The following FAM185A variants were observed in gnomAD, a reference collection of about 807,000 sequenced individuals.
FAM185A encodes family with sequence similarity 185 member A, also known as protein FAM185A.
In FAM185A, 21 loss-of-function variants were observed where a neutral mutation model predicts 45.7. The observed-to-expected ratio is 0.46, with a 90% CI of 0.33 to 0.66. FAM185A has a LOEUF of 0.66. FAM185A is among the 30% of genes least tolerant of loss of function. FAM185A has a pLI of 0.03. For missense variants in FAM185A, 305 were observed against 485.4 expected, an observed-to-expected ratio of 0.63 and a Z score of 3.49; for synonymous variants, 117 against 194.0, an observed-to-expected ratio of 0.60 and a Z score of 3.30.
chr7:102,826,944 A>G, the FAM185A span: 2 of 284,606 alleles, frequency 7.0e-6, no homozygotes, highest in East Asian at 1.6e-4. Flanking sequence ...TAAGAGCTCT[A>G]TCGTATTATT....
At chr7:102,835,649 G>A in the FAM185A span, among the ~76,000 whole-genome samples, 1 of 101,794 alleles carries the variant, frequency 9.8e-6, no homozygotes, top group East Asian at 3.4e-4. Context: ...TCGCTCTGTC[G>A]CCCAGGCTGG....
At chr7:102,807,498 A>C (rs1425255587) in intron 7 of FAM185A, among the ~76,000 whole-genome samples, 1 of 152,164 alleles carries the variant, frequency 6.6e-6, no homozygotes, top group East Asian at 1.9e-4. Flanking sequence ...TTTGGATGTC[A>C]GATCTTCAGA....
At chr7:102,821,962 T>TA in the FAM185A span, 1 of 1,445,328 alleles carries the variant, frequency 6.9e-7, no homozygotes, top group East Asian at 2.3e-5. Flanking sequence ...TGCTATGTAT[T>TA]ATGAACCTTA....
rs566778817 is a variant in FAM185A at position 102,806,404 on chromosome 7, C to G, written c.1067-1886C>G. Among the ~76,000 whole-genome samples the G allele has an allele frequency of 4.6e-5, 7 of 152,270 alleles. No homozygotes were observed. In the East Asian group the frequency reaches 7.7e-4, roughly 17 times the overall value. Reference sequence around the variant, plus strand: ...TTCAACATGTTGGCCAGTCTGGTCCCAAACTCCTGACCGCAGGTGACCTGC... The same window carrying G: ...TTCAACATGTTGGCCAGTCTGGTCCGAAACTCCTGACCGCAGGTGACCTGC... On this transcript the variant is annotated intron_variant, in intron 7 of 7. Transcript: ENST00000413034.
At chr7:102,801,123 C>T (rs1008482681) in intron 7 of FAM185A, among the ~76,000 whole-genome samples, 9 of 152,234 alleles carry the variant, frequency 5.9e-5, no homozygotes, top group East Asian at 5.8e-4. Context: ...TTGTATCCAG[C>T]GAAACTAGGC....
chr7:102,785,044 CAG>C (rs199749145), intron 6 of FAM185A, among the ~76,000 whole-genome samples: 24,762 of 151,908 alleles, frequency 0.16, 2,039 homozygotes, highest in Middle Eastern at 0.26. Context: ...CGATAACAGA[CAG>C]AGAGCTAAAT....
At chr7:102,778,846 T>C (rs1795233854) in intron 6 of FAM185A, among the ~76,000 whole-genome samples, 2 of 152,230 alleles carry the variant, frequency 1.3e-5, no homozygotes, top group Admixed American at 1.3e-4. Flanking sequence ...AGTAACTCTT[T>C]CTTAATCGTT....
chr7:102,793,208 T>TTTG (rs1019415197), intron 7 of FAM185A, among the ~76,000 whole-genome samples: 2 of 151,540 alleles, frequency 1.3e-5, no homozygotes, highest in Non-Finnish European at 2.9e-5. Context: ...GTGTTTTTTT[T>TTTG]TTGTTGTTGT....
Position 102,758,014 on chromosome 7 carries a change from G to A in FAM185A, c.654+68G>A, listed in dbSNP as rs1793868646. 7 of 1,541,522 alleles carry A rather than the reference G, an allele frequency of 4.5e-6. No individual in the cohort carries two copies. The Admixed American group carries it at 1.4e-4, about 31-fold the overall frequency. Reference sequence around the variant, plus strand: ...TGCTTCCATTTGGCTCACCAAGTTGGTAGGTTCTACAAAGTTCGTAGCATA... The same window carrying A: ...TGCTTCCATTTGGCTCACCAAGTTGATAGGTTCTACAAAGTTCGTAGCATA... On this transcript the variant is annotated intron_variant, in intron 3 of 7. Transcript: ENST00000413034.
At chr7:102,754,277 T>C (rs981736598) in intron 2 of FAM185A, among the ~76,000 whole-genome samples, 2 of 152,164 alleles carry the variant, frequency 1.3e-5, no homozygotes, top group African/African-American at 4.8e-5. Flanking sequence ...CTTGGCTCAC[T>C]GCAACCTCCG....
At chr7:102,784,468 CAAG>C (rs1054415398) in intron 6 of FAM185A, among the ~76,000 whole-genome samples, 39 of 152,184 alleles carry the variant, frequency 2.6e-4, no homozygotes, top group African/African-American at 8.7e-4. Context: ...AGCAGCACAT[CAAG>C]AAGTTTATCT....
the FAM185A span, among the ~76,000 whole-genome samples, chr7:102,838,097 C>A: frequency 6.6e-6 from 1 of 152,216 alleles, no homozygotes; most frequent in East Asian, 1.9e-4. Flanking sequence ...GGTTCAGTAA[C>A]TGCCAGAGGC....
chr7:102,782,105 G>T (rs1217779991), intron 6 of FAM185A, among the ~76,000 whole-genome samples: 2 of 152,206 alleles, frequency 1.3e-5, no homozygotes, highest in African/African-American at 2.4e-5. Context: ...AGAGAAAAAA[G>T]AATAAAAAGA....
chr7:102,778,883 A>G (rs1334025588), intron 6 of FAM185A, among the ~76,000 whole-genome samples: 1 of 152,202 alleles, frequency 6.6e-6, no homozygotes, highest in African/African-American at 2.4e-5. Context: ...ATCCATTCCA[A>G]CTCTGCCACT....
chr7:102,801,208 C>T (rs1796769923), intron 7 of FAM185A, among the ~76,000 whole-genome samples: 1 of 152,106 alleles, frequency 6.6e-6, no homozygotes, highest in Non-Finnish European at 1.5e-5. Context: ...GCCACCACTA[C>T]AAGAACTGCT....
intron 6 of FAM185A, among the ~76,000 whole-genome samples, chr7:102,777,843 G>GATC (rs1448044241): frequency 1.3e-5 from 2 of 151,936 alleles, no homozygotes; most frequent in Admixed American, 1.3e-4. Flanking sequence ...CAAGACTTAT[G>GATC]ATATGTCTCT....
At chr7:102,767,669 A>G (rs1157468678) in intron 4 of FAM185A, among the ~76,000 whole-genome samples, 2 of 151,840 alleles carry the variant, frequency 1.3e-5, no homozygotes, top group African/African-American at 4.8e-5. Flanking sequence ...GGGTGTTTCA[A>G]ATCTGATTAT....
chr7:102,783,476 AG>A (rs550612788), intron 6 of FAM185A, among the ~76,000 whole-genome samples: 241 of 152,328 alleles, frequency 1.6e-3, no homozygotes, highest in African/African-American at 5.4e-3. Context: ...CAATCAAACT[AG>A]AACTCAGGAT....
chr7:102,774,926 C>T (rs979054140), intron 5 of FAM185A, among the ~76,000 whole-genome samples: 2 of 152,034 alleles, frequency 1.3e-5, no homozygotes, highest in Non-Finnish European at 2.9e-5. Context: ...CTATCATTTA[C>T]TCAGTGCCCA....
Sources: allele counts gnomAD v4.1 joint callset (sites outside exome capture counted in the v4.1 genomes callset), GRCh38; gene constraint gnomAD v4.1.1; transcripts MANE v1.5; gene names NCBI Gene and HGNC (gene_info 2026-07-23, HGNC 2026-07-21).